The following CYP39A1 variants were observed in gnomAD, a reference collection of about 807,000 sequenced individuals.
CYP39A1 encodes cytochrome P450 family 39 subfamily A member 1, also known as 24-hydroxycholesterol 7-alpha-hydroxylase.
CYP39A1 carries 49 observed loss-of-function variants against 58.1 expected under a neutral mutation model. That is an observed-to-expected ratio of 0.84 (90% CI 0.67 to 1.07). The LOEUF (loss-of-function observed/expected upper bound fraction) is 1.07. Among genes scored for constraint, CYP39A1 ranks in the 50% least tolerant of loss-of-function variants. The probability of loss-of-function intolerance (pLI) is 0.00; values close to 1 mark genes in which losing one functional copy is unlikely to be tolerated. For synonymous variants in CYP39A1, 209 were observed against 187.6 expected (o/e 1.11, Z -0.93); for missense variants, 531 against 539.4 (o/e 0.98, Z 0.16).
intron 10 of CYP39A1, among the ~76,000 whole-genome samples, chr6:46,566,562 C>A (rs550844857): frequency 2.6e-5 from 4 of 152,196 alleles, no homozygotes; most frequent in Admixed American, 2.6e-4. Context: ...CAATTATATC[C>A]ACCTGGTCTC....
Position 46,648,929 on chromosome 6 carries a change from A to G in CYP39A1, c.177+3477T>C, listed in dbSNP as rs185150839. Among the ~76,000 whole-genome samples the G allele has an allele frequency of 5.1e-4, 78 of 152,368 alleles. 2 individuals carry two copies. The highest frequency in any genetic ancestry group is 4.2e-3 in the Admixed American group (64 of 15,300). On this transcript the variant is annotated intron_variant, in intron 1 of 11. Coordinates refer to ENST00000275016, the MANE Select transcript of CYP39A1 (RefSeq NM_016593.5). ...ACTCTCTCAGAGTGCCAGAAATGTTATCAATGTCTCATGCTTAAAAAATGG... is the reference window on the plus strand; with the variant it reads ...ACTCTCTCAGAGTGCCAGAAATGTTGTCAATGTCTCATGCTTAAAAAATGG...
chr6:46,635,301 C>T (rs965292731), intron 5 of CYP39A1, among the ~76,000 whole-genome samples: 88 of 152,188 alleles, frequency 5.8e-4, no homozygotes, highest in Non-Finnish European at 4.6e-4. Flanking sequence ...CAACTTTATG[C>T]GGTGAGGAAA....
chr6:46,603,304 C>CA (rs1171959026), intron 7 of CYP39A1, among the ~76,000 whole-genome samples: 1 of 152,168 alleles, frequency 6.6e-6, no homozygotes. Context: ...CAAATAGCTA[C>CA]AGATAGAAGG....
At chr6:46,635,800 C>T (rs962199866) in intron 5 of CYP39A1, among the ~76,000 whole-genome samples, 1 of 152,028 alleles carries the variant, frequency 6.6e-6, no homozygotes, top group Non-Finnish European at 1.5e-5. Flanking sequence ...TGGGCTTAAG[C>T]AATTCTCCTG....
At chr6:46,642,075 T>TA in intron 2 of CYP39A1, 88 bp downstream of exon 2, 4 of 1,323,920 alleles carry the variant, frequency 3.0e-6, no homozygotes, top group Non-Finnish European at 4.3e-6. Flanking sequence ...TCATTCTTGA[T>TA]AGAGGAATGA....
intron 10 of CYP39A1, among the ~76,000 whole-genome samples, chr6:46,558,833 T>TA (rs1770805469): frequency 6.6e-6 from 1 of 151,834 alleles, no homozygotes; most frequent in Admixed American, 6.6e-5. Context: ...CCGTCTCTAC[T>TA]AAAAATAGAA....
intron 5 of CYP39A1, among the ~76,000 whole-genome samples, chr6:46,631,768 G>T (rs1775675147): frequency 6.6e-6 from 1 of 152,144 alleles, no homozygotes; most frequent in Non-Finnish European, 1.5e-5. Context: ...ACAGCTCAGG[G>T]CAGGGCCCCA....
Position 46,613,473 on chromosome 6 carries a change from T to C in CYP39A1, c.931+11945A>G, listed in dbSNP as rs189664915. ...TATGATGCATAAATCATGACTTTTA[T>C]GTAAAATAGGAATCATTTCTATGCA... On this transcript the variant is annotated intron_variant, in intron 7 of 11. Transcript: ENST00000275016. 6.3e-3 allele frequency among the ~76,000 whole-genome samples: 954 copies of C among 152,354 alleles called. 9 individuals carry two copies. Among genetic ancestry groups the C allele is most frequent in the African/African-American group, 0.021 (884 of 41,590 alleles).
At chr6:46,647,635 A>C (rs561944212) in intron 1 of CYP39A1, among the ~76,000 whole-genome samples, 1 of 152,322 alleles carries the variant, frequency 6.6e-6, no homozygotes, top group African/African-American at 2.4e-5. Flanking sequence ...TTTTTCCAAC[A>C]ATCTACTTAA....
chr6:46,627,311 G>T (rs1038244626), intron 6 of CYP39A1, among the ~76,000 whole-genome samples: 1 of 152,140 alleles, frequency 6.6e-6, no homozygotes, highest in East Asian at 1.9e-4. Context: ...GTTCATAGTT[G>T]TATGTGCCTA....
At chr6:46,560,418 T>C (rs944271392) in intron 10 of CYP39A1, among the ~76,000 whole-genome samples, 3 of 152,198 alleles carry the variant, frequency 2.0e-5, no homozygotes, top group Non-Finnish European at 4.4e-5. Flanking sequence ...GTTTACATTA[T>C]ACATGTGAAG....
intron 6 of CYP39A1, among the ~76,000 whole-genome samples, chr6:46,628,324 CAT>C (rs1260100725): frequency 2.6e-5 from 4 of 152,108 alleles, no homozygotes; most frequent in Non-Finnish European, 5.9e-5. Flanking sequence ...AGAGCAAACA[CAT>C]GTTACAAAAA....
chr6:46,557,226 T>A (rs1265673252), intron 10 of CYP39A1, among the ~76,000 whole-genome samples: 2 of 151,872 alleles, frequency 1.3e-5, no homozygotes, highest in Non-Finnish European at 2.9e-5. Context: ...AACATACATG[T>A]TATTAGAGAT....
At chr6:46,596,674 A>G (rs1434258991) in intron 7 of CYP39A1, among the ~76,000 whole-genome samples, 2 of 151,994 alleles carry the variant, frequency 1.3e-5, no homozygotes, top group Non-Finnish European at 2.9e-5. Flanking sequence ...ACACAGGTGC[A>G]TCAAACTTTC....
intron 10 of CYP39A1, among the ~76,000 whole-genome samples, chr6:46,581,201 AGT>A (rs1172111123): frequency 6.6e-6 from 1 of 152,172 alleles, no homozygotes; most frequent in Admixed American, 6.6e-5. Context: ...TGAGCTCAGG[AGT>A]TCAAGACTAG....
intron 10 of CYP39A1, among the ~76,000 whole-genome samples, chr6:46,573,588 C>A (rs2150496305): frequency 6.6e-6 from 1 of 152,268 alleles, no homozygotes; most frequent in East Asian, 1.9e-4. Context: ...GTCACAAGGG[C>A]ATGCTGGTAA....
intron 10 of CYP39A1, among the ~76,000 whole-genome samples, chr6:46,575,347 A>G (rs142364327): frequency 6.6e-6 from 1 of 152,206 alleles, no homozygotes; most frequent in African/African-American, 2.4e-5. Context: ...ACCTGGAGAG[A>G]GTGGGGTTGT....
Position 46,612,280 on chromosome 6 carries a change from G to A in CYP39A1, c.931+13138C>T, listed in dbSNP as rs540046656. 5.3e-5 allele frequency among the ~76,000 whole-genome samples: 8 copies of A among 152,254 alleles called. No homozygotes were observed. In the South Asian group the frequency reaches 1.5e-3, roughly 28 times the overall value. On this transcript the variant is annotated intron_variant, in intron 7 of 11. Transcript: ENST00000275016. ...TAAAGCTTCCTGAGAAATCTCTCCT[G>A]GGCCAGGTATTAGACATGCAAGTCT...
At chr6:46,639,782 C>T (rs1433502978) in intron 2 of CYP39A1, 114 bp from the exon 3 acceptor site, 5 of 764,478 alleles carry the variant, frequency 6.5e-6, no homozygotes, top group South Asian at 5.7e-5. Flanking sequence ...CCTCTCAGTA[C>T]ATAAGGTCAC....
Sources: allele counts gnomAD v4.1 joint callset (sites outside exome capture counted in the v4.1 genomes callset), GRCh38; gene constraint gnomAD v4.1.1; transcripts MANE v1.5; gene names NCBI Gene and HGNC (gene_info 2026-07-23, HGNC 2026-07-21).